The following DNER variants were observed in gnomAD, a reference collection of about 807,000 sequenced individuals.
DNER encodes the protein delta/notch like EGF repeat containing, also known as delta and Notch-like epidermal growth factor-related receptor.
DNER carries 33 observed loss-of-function variants against 78.2 expected under a neutral mutation model. The observed-to-expected ratio is 0.42, with a 90% CI of 0.32 to 0.56. The LOEUF is 0.56. DNER is among the 20% of genes least tolerant of loss of function. The probability of loss-of-function intolerance (pLI) is 0.11; values close to 1 mark genes in which losing one functional copy is unlikely to be tolerated. For synonymous variants in DNER, 417 were observed against 384.8 expected (o/e 1.08, Z -0.98); for missense variants, 918 against 975.3 (o/e 0.94, Z 0.78).
chr2:229,530,496 G>T (rs1267264063), intron 5 of DNER, among the ~76,000 whole-genome samples: 1 of 152,234 alleles, frequency 6.6e-6, no homozygotes, highest in Non-Finnish European at 1.5e-5. Flanking sequence ...CTGAGCCACA[G>T]CTCAAATTTT....
chr2:229,582,893 C>A (rs1697428610), intron 4 of DNER, among the ~76,000 whole-genome samples: 1 of 152,152 alleles, frequency 6.6e-6, no homozygotes, highest in African/African-American at 2.4e-5. Flanking sequence ...CCCGCCTCAG[C>A]CTCCCAAAGT....
At chr2:229,682,577 G>A (rs1699403773) in intron 1 of DNER, among the ~76,000 whole-genome samples, 1 of 152,250 alleles carries the variant, frequency 6.6e-6, no homozygotes, top group Admixed American at 6.5e-5. Flanking sequence ...GCCAGGTGCA[G>A]TGGCTCATGT....
intron 5 of DNER, among the ~76,000 whole-genome samples, chr2:229,533,693 G>A (rs186612238): frequency 6.6e-6 from 1 of 152,172 alleles, no homozygotes; most frequent in Admixed American, 6.5e-5. Flanking sequence ...CATTTTTCAT[G>A]GAACACCCTT....
chr2:229,428,145 C>T (rs1017314140), intron 8 of DNER, among the ~76,000 whole-genome samples: 1 of 151,058 alleles, frequency 6.6e-6, no homozygotes, highest in Non-Finnish European at 1.5e-5. Context: ...CTGGTGGTAT[C>T]TTTCATGTGG....
intron 5 of DNER, among the ~76,000 whole-genome samples, chr2:229,537,848 C>T (rs1574891302): frequency 1.3e-5 from 2 of 152,028 alleles, no homozygotes; most frequent in South Asian, 2.1e-4. Context: ...GGCTGGTGGG[C>T]TGCACCCACT....
At chr2:229,563,164 CCAT>C (rs1199930296) in intron 4 of DNER, among the ~76,000 whole-genome samples, 1 of 106,704 alleles carries the variant, frequency 9.4e-6, no homozygotes, top group Non-Finnish European at 1.9e-5. Flanking sequence ...CACCCCATCA[CCAT>C]CATCATCAAC....
chr2:229,650,072 CA>C (rs34030074), intron 1 of DNER, among the ~76,000 whole-genome samples: 23,882 of 92,988 alleles, frequency 0.26, 2,113 homozygotes, highest in African/African-American at 0.36. Flanking sequence ...AAGACTCCGT[CA>C]AAAAAAAAAA....
intron 11 of DNER, among the ~76,000 whole-genome samples, chr2:229,375,023 G>A (rs886611741): frequency 6.6e-6 from 1 of 152,168 alleles, no homozygotes; most frequent in Non-Finnish European, 1.5e-5. Flanking sequence ...CTCCTCATGA[G>A]ATTTTTTGGA....
chr2:229,469,154 T>A (rs1021361738), intron 7 of DNER, among the ~76,000 whole-genome samples: 2 of 152,248 alleles, frequency 1.3e-5, no homozygotes, highest in Non-Finnish European at 1.5e-5. Context: ...ACATGCCAGA[T>A]GCTTTAAGGG....
intron 1 of DNER, among the ~76,000 whole-genome samples, chr2:229,670,138 G>A (rs1464548090): frequency 6.6e-6 from 1 of 152,088 alleles, no homozygotes; most frequent in East Asian, 1.9e-4. Flanking sequence ...ATGGTTATTT[G>A]TGGACAGAAA....
intron 11 of DNER, among the ~76,000 whole-genome samples, chr2:229,376,375 A>T (rs1399779730): frequency 6.6e-6 from 1 of 152,128 alleles, no homozygotes; most frequent in Non-Finnish European, 1.5e-5. Context: ...CCCTCGTCAG[A>T]CACTGGATCT....
At chr2:229,623,149 C>T (rs1003812508) in intron 1 of DNER, among the ~76,000 whole-genome samples, 2 of 152,150 alleles carry the variant, frequency 1.3e-5, no homozygotes, top group Non-Finnish European at 2.9e-5. Context: ...GGAGCATTCT[C>T]CCTATTGCGC....
chr2:229,447,592 A>G, intron 7 of DNER, 52 bp from the exon 8 acceptor site: 1 of 1,546,170 alleles, frequency 6.5e-7, no homozygotes, highest in African/African-American at 1.4e-5. Context: ...TTTGCACATA[A>G]TAACTAATCA....
chr2:229,456,315 T>C (rs1003795461), intron 7 of DNER, among the ~76,000 whole-genome samples: 12 of 151,746 alleles, frequency 7.9e-5, no homozygotes, highest in African/African-American at 2.9e-4. Context: ...ACTGAGTCAC[T>C]CATGATGGAT....
chr2:229,634,613 A>G (rs1698496629), intron 1 of DNER, among the ~76,000 whole-genome samples: 1 of 152,190 alleles, frequency 6.6e-6, no homozygotes, highest in African/African-American at 2.4e-5. Flanking sequence ...TGTAAGGCTC[A>G]AGGAGAAACC....
chr2:229,364,161 C>T (rs945185679), intron 12 of DNER, among the ~76,000 whole-genome samples: 3 of 151,600 alleles, frequency 2.0e-5, no homozygotes, highest in Non-Finnish European at 4.4e-5. Flanking sequence ...CATGCCTGGC[C>T]TCCTCTGCTC....
intron 4 of DNER, among the ~76,000 whole-genome samples, chr2:229,563,250 A>G (rs1348072070): frequency 1.4e-4 from 20 of 141,162 alleles, no homozygotes; most frequent in African/African-American, 4.4e-4. Context: ...CCCCATCACC[A>G]TCATCATCAA....
chr2:229,518,958 T>TC lies in DNER; in HGVS notation c.994-6023_994-6022insG, dbSNP rs1222166909. On this transcript the variant is annotated intron_variant, in intron 5 of 12. Transcript: ENST00000341772. ...ATGCAAATCATGCGATTACTCTTTT[T>TC]TTTTTTTTTATTTTTGATTTGGGCT... Among the ~76,000 whole-genome samples the TC allele has an allele frequency of 2.0e-5, 3 of 151,752 alleles. No homozygotes were observed. The East Asian group carries it at 5.8e-4, about 29-fold the overall frequency.
chr2:229,383,887 A>G (rs546349056), intron 11 of DNER, among the ~76,000 whole-genome samples: 3 of 152,300 alleles, frequency 2.0e-5, no homozygotes, highest in African/African-American at 4.8e-5. Context: ...CAGGACTTGA[A>G]CTCAGCTCTG....
Sources: gnomAD v4.1 joint callset for allele counts (sites outside exome capture counted in the v4.1 genomes callset) on GRCh38, gnomAD v4.1.1 for gene constraint, MANE v1.5 for transcripts, NCBI Gene and HGNC (gene_info 2026-07-23, HGNC 2026-07-21) for gene names.